WDR27: variants seen among roughly 807,000 people sequenced by gnomAD.
WDR27 encodes the protein WD repeat domain 27, also known as WD repeat-containing protein 27.
In WDR27, 100 loss-of-function variants were observed where a neutral mutation model predicts 114.4. The ratio of observed to expected loss-of-function variants is 0.87; its 90% CI spans 0.74 to 1.03. WDR27 has a LOEUF of 1.03. Among genes scored for constraint, WDR27 ranks in the 50% least tolerant of loss-of-function variants. The pLI, the probability that WDR27 is intolerant of heterozygous loss-of-function variation, is 0.00. For missense variants in WDR27, 1,129 were observed against 1,092.9 expected (o/e 1.03, Z -0.47); for synonymous variants, 449 against 423.1 (o/e 1.06, Z -0.75).
chr6:169,654,619 G>A (rs1351783472), intron 13 of WDR27, among the ~76,000 whole-genome samples: 3 of 152,348 alleles, frequency 2.0e-5, no homozygotes, highest in South Asian at 4.1e-4. Context: ...CACCTTCAGA[G>A]CAAGAATTTA....
At chr6:169,639,296 G>C (rs1459589179) in intron 17 of WDR27, among the ~76,000 whole-genome samples, 10 of 152,160 alleles carry the variant, frequency 6.6e-5, no homozygotes, top group Non-Finnish European at 7.4e-5. Flanking sequence ...GCCCGGCAGT[G>C]TAAAACCTCG....
rs1165756803 is a variant in WDR27, at chr6:169,643,802, T to TA, written c.1658-17dup. The TA allele has an allele frequency of 1.9e-6, 3 of 1,602,146 alleles. No individual in the cohort carries two copies. Among genetic ancestry groups the TA allele is most frequent in the East Asian group, 4.5e-5 (2 of 44,696 alleles). ...TGCCCATCTCCTGTTAAAAGAATTT[T>TA]AAAAAAAGACTTCTTAGAAAAGCCT... On this transcript the variant is annotated splice_polypyrimidine_tract_variant and intron_variant, in intron 16 of 25. Coordinates refer to ENST00000448612, the MANE Select transcript of WDR27 (RefSeq NM_182552.5).
chr6:169,602,171 A>C, intron 23 of WDR27, 48 bp downstream of exon 23: 2 of 1,387,710 alleles, frequency 1.4e-6, no homozygotes, highest in South Asian at 2.8e-5. Flanking sequence ...TCTACACATT[A>C]CCAAAGTCTA....
At chr6:169,442,737 A>C in the WDR27 span, among the ~76,000 whole-genome samples, 4 of 152,276 alleles carry the variant, frequency 2.6e-5, no homozygotes, top group South Asian at 8.3e-4. Context: ...GAGTGAGAAT[A>C]GGTGGGAAGC....
At chr6:169,463,407 C>T (rs745672913) in intron 25 of WDR27, among the ~76,000 whole-genome samples, 3 of 152,092 alleles carry the variant, frequency 2.0e-5, no homozygotes, top group Non-Finnish European at 4.4e-5. Context: ...ACCATAGCAT[C>T]ACATATGAAA....
chr6:169,660,151 T>C (rs1825639591), intron 10 of WDR27, among the ~76,000 whole-genome samples: 1 of 108,312 alleles, frequency 9.2e-6, no homozygotes, highest in African/African-American at 3.5e-5. Context: ...GCTGGTGGCA[T>C]CCATGGAGTT....
intron 13 of WDR27, among the ~76,000 whole-genome samples, chr6:169,652,335 A>ACCT (rs1822821234): frequency 6.6e-6 from 1 of 152,066 alleles, no homozygotes; most frequent in South Asian, 2.1e-4. Context: ...TGCAACCTCC[A>ACCT]CCTCCCATGT....
chr6:169,547,870 T>C lies in WDR27; in HGVS notation c.2645+24549A>G, dbSNP rs1358284374. ...GGTAAAGAAGAAACAAAACTGACTTTGTAGATGACATGATTGTCTACATAG... is the reference window on the plus strand; with the variant it reads ...GGTAAAGAAGAAACAAAACTGACTTCGTAGATGACATGATTGTCTACATAG... On this transcript the variant is annotated intron_variant, in intron 25 of 25. Transcript: ENST00000448612. 3.3e-5 allele frequency among the ~76,000 whole-genome samples: 5 copies of C among 152,046 alleles called. No individual in the cohort carries two copies. The East Asian group carries it at 9.7e-4, about 29-fold the overall frequency.
intron 25 of WDR27, among the ~76,000 whole-genome samples, chr6:169,565,177 G>A (rs1534958): frequency 0.11 from 16,141 of 152,218 alleles, 1,870 homozygotes; most frequent in East Asian, 0.58. Context: ...GAGATACCTA[G>A]TACTCCCTTC....
chr6:169,457,030 G>A (rs953687561), downstream of WDR27, among the ~76,000 whole-genome samples: 22 of 150,698 alleles, frequency 1.5e-4, no homozygotes, highest in African/African-American at 4.6e-4. Context: ...CAGAACCCAC[G>A]AGCAGAGGCC....
intron 24 of WDR27, among the ~76,000 whole-genome samples, chr6:169,581,059 C>A (rs1803323358): frequency 6.6e-6 from 1 of 151,286 alleles, no homozygotes; most frequent in Admixed American, 6.6e-5. Context: ...CTTTAGCGGC[C>A]CTTCGTCAGG....
At chr6:169,635,215 A>C (rs908821165) in intron 19 of WDR27, among the ~76,000 whole-genome samples, 1 of 150,790 alleles carries the variant, frequency 6.6e-6, no homozygotes, top group Middle Eastern at 3.4e-3. Flanking sequence ...AAAATACAAA[A>C]ATTAGCCAGG....
intron 1 of WDR27, among the ~76,000 whole-genome samples, chr6:169,693,993 A>G (rs561299242): frequency 4.1e-4 from 62 of 152,342 alleles, no homozygotes; most frequent in African/African-American, 1.4e-3. Context: ...AAATAAAATT[A>G]ACATGTATTT....
At chr6:169,468,776 T>TG (rs1785939876) in intron 25 of WDR27, among the ~76,000 whole-genome samples, 2 of 152,102 alleles carry the variant, frequency 1.3e-5, no homozygotes, top group Non-Finnish European at 2.9e-5. Flanking sequence ...ATAACATAGA[T>TG]GGGGGGCCTA....
Position 169,527,184 on chromosome 6 carries a change from T to C in WDR27, c.2645+45235A>G, listed in dbSNP as rs931592309. ...GAAAAGATATGTTAACACAAAAAAT[T>C]GTAAATAAATCTTCACAACAGCATT... is the stretch of plus-strand genomic sequence containing the variant. On this transcript the variant is annotated intron_variant, in intron 25 of 25. Transcript: ENST00000448612. Among the ~76,000 whole-genome samples the C allele has an allele frequency of 5.9e-5, 9 of 151,590 alleles. No homozygotes were observed. The East Asian group carries it at 9.6e-4, about 16-fold the overall frequency.
chr6:169,623,136 C>T (rs2128202029), intron 21 of WDR27, among the ~76,000 whole-genome samples: 1 of 152,236 alleles, frequency 6.6e-6, no homozygotes, highest in Non-Finnish European at 1.5e-5. Context: ...TTTGCATACC[C>T]TGCACTGAAT....
At chr6:169,551,055 T>G (rs1372290419) in intron 25 of WDR27, among the ~76,000 whole-genome samples, 3 of 152,106 alleles carry the variant, frequency 2.0e-5, no homozygotes, top group East Asian at 1.9e-4. Flanking sequence ...TTAAAATAAA[T>G]AAAGAACATA....
Position 169,670,553 on chromosome 6 carries a change from T to C in WDR27, c.456+16A>G. On this transcript the variant is annotated intron_variant, in intron 4 of 25. Transcript: ENST00000448612. The stretch of plus-strand genomic sequence containing the variant: ...GCTAAACCCTTCCGTGAAATCCACG[T>C]GAATTTCAATCTTACCTCAATATCC... The C allele has an allele frequency of 6.2e-7, 1 of 1,613,918 alleles. No individual in the cohort carries two copies. Among genetic ancestry groups the C allele is most frequent in the Non-Finnish European group, 8.5e-7 (1 of 1,179,840 alleles).
At chr6:169,478,492 T>C (rs1364010683) in intron 25 of WDR27, among the ~76,000 whole-genome samples, 2 of 152,290 alleles carry the variant, frequency 1.3e-5, no homozygotes, top group East Asian at 3.9e-4. Flanking sequence ...ACAGTAATAC[T>C]TTATTATGAA....
Sources: allele counts gnomAD v4.1 joint callset (sites outside exome capture counted in the v4.1 genomes callset), GRCh38; gene constraint gnomAD v4.1.1; transcripts MANE v1.5; gene names NCBI Gene and HGNC (gene_info 2026-07-23, HGNC 2026-07-21).